TESC: variants seen among roughly 807,000 people sequenced by gnomAD.
The protein encoded by TESC is calcineurin B homologous protein 3.
Under a neutral mutation model 31.0 loss-of-function variants are expected in TESC, and 19 were observed. That is an observed-to-expected ratio of 0.61 (90% confidence interval 0.43 to 0.90). The LOEUF (loss-of-function observed/expected upper bound fraction) is 0.90, where lower values mean the gene tolerates loss of function less well. Among genes scored for constraint, TESC ranks in the 40% least tolerant of loss-of-function variants. The pLI, the probability that TESC is intolerant of heterozygous loss-of-function variation, is 0.00. For missense variants in TESC, 248 were observed against 303.8 expected (o/e 0.82, Z 1.36); for synonymous variants, 109 against 114.8 (o/e 0.95, Z 0.32).
At chr12:117,046,982 A>G (rs1379277105) in intron 4 of TESC, 144 bp from the exon 5 acceptor site, 3 of 823,040 alleles carry the variant, frequency 3.6e-6, no homozygotes, top group South Asian at 3.3e-5. Flanking sequence ...GAGCTGTGGG[A>G]CCAGACTGAC....
At chr12:117,094,619 G>A (rs932344729) in intron 1 of TESC, among the ~76,000 whole-genome samples, 9 of 152,176 alleles carry the variant, frequency 5.9e-5, no homozygotes, top group African/African-American at 2.2e-4. Flanking sequence ...GAGCGCTGAG[G>A]ATGGGTGTTT....
intron 2 of TESC, among the ~76,000 whole-genome samples, chr12:117,069,387 C>A (rs1954934079): frequency 6.6e-6 from 1 of 152,136 alleles, no homozygotes; most frequent in African/African-American, 2.4e-5. Context: ...TACAAGCACA[C>A]ACCACCACGC....
intron 1 of TESC, among the ~76,000 whole-genome samples, chr12:117,098,996 G>C (rs1297943597): frequency 2.0e-5 from 3 of 152,118 alleles, no homozygotes. Context: ...GGGAGTTCCC[G>C]GGCCAGTCCG....
At chr12:117,075,511 T>G (rs1350022186) in intron 1 of TESC, among the ~76,000 whole-genome samples, 171 bp from the exon 2 acceptor site, 1 of 152,058 alleles carries the variant, frequency 6.6e-6, no homozygotes, top group Non-Finnish European at 1.5e-5. Flanking sequence ...GAGAAAGGAT[T>G]TCCCGTTCTT....
intron 2 of TESC, among the ~76,000 whole-genome samples, chr12:117,060,932 G>A (rs1354416208): frequency 2.0e-5 from 3 of 152,162 alleles, no homozygotes; most frequent in Non-Finnish European, 4.4e-5. Context: ...ACTGGCTGTT[G>A]CTAATCCTTC....
chr12:117,062,945 A>G (rs528305090), intron 2 of TESC, among the ~76,000 whole-genome samples: 1 of 152,244 alleles, frequency 6.6e-6, no homozygotes, highest in Admixed American at 6.5e-5. Context: ...CCCAGTGACC[A>G]TCAGGGGTAG....
At chr12:117,086,527 A>T (rs1183418488) in intron 1 of TESC, among the ~76,000 whole-genome samples, 1 of 152,032 alleles carries the variant, frequency 6.6e-6, no homozygotes, top group Non-Finnish European at 1.5e-5. Context: ...AAACTCCTGG[A>T]CTCAAGTGAT....
chr12:117,051,354 G>A (rs111813395), intron 3 of TESC, among the ~76,000 whole-genome samples: 30 of 152,278 alleles, frequency 2.0e-4, no homozygotes, highest in African/African-American at 6.7e-4. Context: ...CCAGGGAGAG[G>A]TGGGGTCCCA....
intron 2 of TESC, among the ~76,000 whole-genome samples, chr12:117,066,200 C>CTTTTGTTTTT: frequency 1.6e-5 from 1 of 62,964 alleles, no homozygotes; most frequent in Admixed American, 2.1e-4. Context: ...CTTCCTTTAG[C>CTTTTGTTTTT]TTTTTTTTTT....
chr12:117,047,414 A>T (rs1592993691), intron 4 of TESC, among the ~76,000 whole-genome samples: 1 of 144,882 alleles, frequency 6.9e-6, no homozygotes, highest in African/African-American at 2.5e-5. Flanking sequence ...CTGTGTTGGC[A>T]TTTTTTTTTT....
At chr12:117,065,187 G>A (rs531903552) in intron 2 of TESC, among the ~76,000 whole-genome samples, 1 of 152,348 alleles carries the variant, frequency 6.6e-6, no homozygotes, top group South Asian at 2.1e-4. Flanking sequence ...GGTACCGTGA[G>A]CCTGGATGGT....
At chr12:117,063,769 A>G (rs911158282) in intron 2 of TESC, among the ~76,000 whole-genome samples, 1 of 152,086 alleles carries the variant, frequency 6.6e-6, no homozygotes, top group African/African-American at 2.4e-5. Context: ...CTCACTGTTC[A>G]GCATGTGGTG....
intron 2 of TESC, 126 bp downstream of exon 2, chr12:117,075,145 C>A (rs1955030443): frequency 2.9e-6 from 3 of 1,036,974 alleles, no homozygotes; most frequent in Non-Finnish European, 2.8e-6. Context: ...GACTCCATCT[C>A]CAAAATAAAT....
chr12:117,085,550 T>TGGATGCCAGCCC (rs1955209704), intron 1 of TESC, among the ~76,000 whole-genome samples: 1 of 152,172 alleles, frequency 6.6e-6, no homozygotes, highest in South Asian at 2.1e-4. Context: ...TGTGCCAGCC[T>TGGATGCCAGCCC]GGATGCCAGC....
chr12:117,086,463 C>T (rs186144251), intron 1 of TESC, among the ~76,000 whole-genome samples: 142 of 152,214 alleles, frequency 9.3e-4, no homozygotes, highest in African/African-American at 3.1e-3. Flanking sequence ...GTCTCTCGCT[C>T]TGTCACCCAG....
intron 1 of TESC, among the ~76,000 whole-genome samples, chr12:117,096,409 G>A (rs556399887): frequency 3.3e-5 from 5 of 152,260 alleles, no homozygotes; most frequent in South Asian, 4.1e-4. Flanking sequence ...CGATCGTCTC[G>A]CACGTAACCT....
At chr12:117,042,679 A>G (rs1954502252) in intron 6 of TESC, among the ~76,000 whole-genome samples, 1 of 152,192 alleles carries the variant, frequency 6.6e-6, no homozygotes, top group Non-Finnish European at 1.5e-5. Context: ...GGATGACACC[A>G]GGTGCTCCTG....
chr12:117,094,073 C>T (rs1251226128), intron 1 of TESC, among the ~76,000 whole-genome samples: 1 of 152,180 alleles, frequency 6.6e-6, no homozygotes, highest in Non-Finnish European at 1.5e-5. Context: ...CACCACTTGG[C>T]TGCTGTCACC....
chr12:117,054,751 C>T (rs1954696975), intron 3 of TESC, among the ~76,000 whole-genome samples: 1 of 152,144 alleles, frequency 6.6e-6, no homozygotes, highest in African/African-American at 2.4e-5. Context: ...AGCTCAAGAC[C>T]CATCAGGGAA....
Sources: allele counts gnomAD v4.1 joint callset (sites outside exome capture counted in the v4.1 genomes callset), GRCh38; gene constraint gnomAD v4.1.1; transcripts MANE v1.5; gene names NCBI Gene and HGNC (gene_info 2026-07-23, HGNC 2026-07-21).